The following LRRK1 variants were observed in gnomAD, a reference collection of about 807,000 sequenced individuals.
LRRK1 encodes the protein leucine rich repeat kinase 1.
Under a neutral mutation model 209.1 loss-of-function variants are expected in LRRK1, and 113 were observed. That is an observed-to-expected ratio of 0.54 (90% CI 0.46 to 0.63). LRRK1 has a LOEUF of 0.63. Ranked by LOEUF, LRRK1 falls within the 30% of genes least tolerant of loss-of-function variation. The probability of loss-of-function intolerance (pLI) is 0.00; values close to 1 mark genes in which losing one functional copy is unlikely to be tolerated. For synonymous variants in LRRK1, 1,144 were observed against 1,099.7 expected (o/e 1.04, Z -0.80); for missense variants, 2,284 against 2,632.2 (o/e 0.87, Z 2.89).
At position 101,058,138 on chromosome 15, in the gene LRRK1, C is replaced by A. The variant is rs778249403; in HGVS notation, c.4676C>A (p.Ser1559Tyr). Reference protein sequence around the residue: ...TVVFWDGKEESRNYTVVNTEK... With the variant: ...TVVFWDGKEEYRNYTVVNTEK... ...GTGTTTTGGGATGGAAAAGAGGAGT[C>A]CAGGTAAGCTCCTGCGGGCTGCCCT... Residue 1559 changes from serine (S) to tyrosine (Y), a missense_variant, in exon 29 of 34, where the codon TCC becomes TAC. Ser to Tyr is a moderately radical substitution (Grantham distance 144). Coordinates refer to ENST00000388948, the MANE Select transcript of LRRK1 (RefSeq NM_024652.6). 18 of 1,613,876 alleles carry A rather than the reference C, an allele frequency of 1.1e-5. No homozygotes were observed. Among genetic ancestry groups the A allele is most frequent in the Non-Finnish European group, 1.4e-5 (17 of 1,179,968 alleles).
At position 101,027,169 on chromosome 15, in the gene LRRK1, C is replaced by A; in HGVS notation, c.2406-92C>A. The stretch of plus-strand genomic sequence containing the variant: ...TTCACGAGTTCTCCAGACTTGCCAG[C>A]GTTCAGGACAAACCTCTCAGGGAAA... On this transcript the variant is annotated intron_variant, in intron 17 of 33. Transcript: ENST00000388948. This position sits in a 1 kb window ranked among gnomAD's most constrained non-coding sequence, Gnocchi z 5.1. 6.7e-7 allele frequency: 1 copy of A among 1,501,446 alleles called. No homozygotes were observed. Among genetic ancestry groups the A allele is most frequent in the Non-Finnish European group, 9.0e-7 (1 of 1,108,600 alleles). 93.0% of individuals were successfully genotyped at this position (1,501,446 alleles called of 1,614,324 possible).
chr15:101,032,026 G>GC (rs1304452541), intron 20 of LRRK1, among the ~76,000 whole-genome samples: 1 of 152,172 alleles, frequency 6.6e-6, no homozygotes, highest in Non-Finnish European at 1.5e-5. Flanking sequence ...GAGCCACTGC[G>GC]CCGGCCTCCT....
chr15:101,033,351 T>G (rs990149366), intron 20 of LRRK1, among the ~76,000 whole-genome samples: 3 of 152,178 alleles, frequency 2.0e-5, no homozygotes, highest in Non-Finnish European at 4.4e-5. Context: ...CACCCTAGTC[T>G]GCTATTAACC....
At chr15:100,981,201 G>C (rs1318191362) in intron 3 of LRRK1, among the ~76,000 whole-genome samples, 1 of 152,122 alleles carries the variant, frequency 6.6e-6, no homozygotes, top group Non-Finnish European at 1.5e-5. Context: ...TCCACTGTCT[G>C]GGTCCCTCTT....
intron 6 of LRRK1, among the ~76,000 whole-genome samples, chr15:101,006,802 G>A (rs1324391777): frequency 6.6e-6 from 1 of 152,234 alleles, no homozygotes; most frequent in African/African-American, 2.4e-5. Flanking sequence ...GTGAGTCGAG[G>A]TGGAGAGTGC....
chr15:100,988,500 A>G (rs1339748280), intron 4 of LRRK1, 134 bp from the exon 5 acceptor site: 4 of 800,574 alleles, frequency 5.0e-6, no homozygotes, highest in African/African-American at 1.7e-5. Context: ...ATGGCTGTAT[A>G]GTATTCCATG....
chr15:100,922,470 G>A (rs2042036872), intron 1 of LRRK1, among the ~76,000 whole-genome samples: 1 of 151,902 alleles, frequency 6.6e-6, no homozygotes, highest in African/African-American at 2.4e-5. Context: ...TAAAAACATT[G>A]TATGGTAAGA....
At chr15:100,934,235 A>T (rs2141601095) in intron 2 of LRRK1, among the ~76,000 whole-genome samples, 1 of 152,296 alleles carries the variant, frequency 6.6e-6, no homozygotes, top group Middle Eastern at 3.4e-3. Context: ...GCAACTTCCT[A>T]GGATACTAAG....
intron 15 of LRRK1, among the ~76,000 whole-genome samples, chr15:101,023,967 A>G (rs1287144443): frequency 6.6e-6 from 1 of 151,954 alleles, no homozygotes; most frequent in Non-Finnish European, 1.5e-5. Flanking sequence ...ATGCAATCTC[A>G]TTTCTTCTCT....
chr15:101,040,197 G>T (rs898941935), intron 20 of LRRK1, among the ~76,000 whole-genome samples: 15 of 151,990 alleles, frequency 9.9e-5, no homozygotes, highest in South Asian at 6.2e-4. Context: ...TTCACAAGAG[G>T]ATTTTTAATT....
intron 28 of LRRK1, among the ~76,000 whole-genome samples, chr15:101,057,717 G>C (rs2035892013): frequency 1.3e-5 from 2 of 152,190 alleles, no homozygotes; most frequent in African/African-American, 2.4e-5. Context: ...ATAGTGAGAT[G>C]AAGAGTGTAT....
At chr15:100,924,377 T>G in intron 1 of LRRK1, 134 bp from the exon 2 acceptor site, 1 of 478,914 alleles carries the variant, frequency 2.1e-6, no homozygotes, top group Non-Finnish European at 3.8e-6. Flanking sequence ...CCACACCTGA[T>G]GGGTTTGGCT....
At chr15:101,032,922 G>A (rs1168456956) in intron 20 of LRRK1, among the ~76,000 whole-genome samples, 2 of 152,126 alleles carry the variant, frequency 1.3e-5, no homozygotes, top group African/African-American at 2.4e-5. Flanking sequence ...ATCAGGTTGC[G>A]TGAGCGTTTT....
rs2036919367 is a variant in LRRK1 at position 101,074,672 on chromosome 15, A to G, written c.*5824A>G. 1.3e-5 allele frequency: 2 copies of G among 152,056 alleles called. No homozygotes were observed. The highest frequency in any genetic ancestry group is 1.3e-4 in the Admixed American group (2 of 15,276). 9.4% of individuals were successfully genotyped at this position (152,056 alleles called of 1,614,324 possible). A position where few individuals can be genotyped will look rare whatever the true frequency, so the allele number is the denominator to read the frequency against. Reference sequence around the variant, plus strand: ...ATTAACCTTGCCTTCAAGGTGTACAATAATAGAAAAAAGTTGCAATTCCTT... The same window carrying G: ...ATTAACCTTGCCTTCAAGGTGTACAGTAATAGAAAAAAGTTGCAATTCCTT... On this transcript the variant is annotated 3_prime_UTR_variant, in exon 34 of 34. Transcript: ENST00000388948.
At chr15:100,940,840 A>C (rs1258954734) in intron 2 of LRRK1, among the ~76,000 whole-genome samples, 1 of 152,232 alleles carries the variant, frequency 6.6e-6, no homozygotes, top group Non-Finnish European at 1.5e-5. Flanking sequence ...AGGAAAGCCC[A>C]AAGCTGTCTT....
chr15:100,992,079 T>A (rs2032178196), intron 6 of LRRK1, among the ~76,000 whole-genome samples: 1 of 152,192 alleles, frequency 6.6e-6, no homozygotes, highest in African/African-American at 2.4e-5. Flanking sequence ...CTATTGATAT[T>A]TTATTTACAG....
At chr15:100,950,841 C>T (rs995927286) in intron 2 of LRRK1, among the ~76,000 whole-genome samples, 123 of 152,366 alleles carry the variant, frequency 8.1e-4, no homozygotes, top group Non-Finnish European at 1.4e-3. Context: ...CGGTGGCTCG[C>T]GCCTGTCATC....
rs556937720 is a variant in LRRK1 at position 101,018,777 on chromosome 15, C to G, written c.1610-2276C>G. On this transcript the variant is annotated intron_variant, in intron 12 of 33. Transcript: ENST00000388948. ...TCTTGGCCTTGGCAGATGACAAAGG[C>G]CTCTTGATTCTTTAAACTTCATCTA... Among the ~76,000 whole-genome samples the G allele has an allele frequency of 1.6e-4, 24 of 152,318 alleles. No homozygotes were observed. The South Asian group carries it at 4.3e-3, about 28-fold the overall frequency.
At chr15:100,978,204 G>A (rs2031404124) in intron 3 of LRRK1, among the ~76,000 whole-genome samples, 1 of 152,092 alleles carries the variant, frequency 6.6e-6, no homozygotes, top group African/African-American at 2.4e-5. Flanking sequence ...AAAAGCCAAA[G>A]CAAAAGAAAA....
Sources: gnomAD v4.1 joint callset for allele counts (sites outside exome capture counted in the v4.1 genomes callset) on GRCh38, gnomAD v4.1.1 for gene constraint, Gnocchi (gnomAD v3.1) non-coding constraint, MANE v1.5 for transcripts, NCBI Gene and HGNC (gene_info 2026-07-23, HGNC 2026-07-21) for gene names.